The following PDZD2 variants were observed in gnomAD, a reference collection of about 807,000 sequenced individuals.
PDZD2 encodes the protein PDZ domain-containing protein 2.
In PDZD2, 90 loss-of-function variants were observed where a neutral mutation model predicts 220.7. The observed-to-expected ratio is 0.41, with a 90% CI of 0.34 to 0.49. PDZD2 has a LOEUF of 0.49. PDZD2 is among the 20% of genes least tolerant of loss of function. PDZD2 has a pLI of 0.28. For synonymous variants in PDZD2, 1,375 were observed against 1,450.5 expected, an observed-to-expected ratio of 0.95 and a Z score of 1.18; for missense variants, 3,174 against 3,608.5, an observed-to-expected ratio of 0.88 and a Z score of 3.08.
chr5:31,938,114 G>A (rs1427911470), intron 2 of PDZD2, among the ~76,000 whole-genome samples: 1 of 152,220 alleles, frequency 6.6e-6, no homozygotes, highest in Non-Finnish European at 1.5e-5. Flanking sequence ...GTTTCACTCT[G>A]TTGGCCAGAT....
intron 1 of PDZD2, among the ~76,000 whole-genome samples, chr5:31,796,020 G>A (rs1754001122): frequency 6.6e-6 from 1 of 152,096 alleles, no homozygotes; most frequent in Non-Finnish European, 1.5e-5. Context: ...CTGAGGGTGG[G>A]CTCTCAGTGG....
At chr5:31,714,353 C>T (rs980467841) in intron 1 of PDZD2, among the ~76,000 whole-genome samples, 6 of 152,186 alleles carry the variant, frequency 3.9e-5, no homozygotes, top group Non-Finnish European at 8.8e-5. Flanking sequence ...CCGCTTGTGT[C>T]TCGGCTTCCA....
intron 1 of PDZD2, among the ~76,000 whole-genome samples, chr5:31,689,256 T>TGC (rs1746998577): frequency 7.6e-6 from 1 of 132,346 alleles, no homozygotes; most frequent in Non-Finnish European, 1.6e-5. Flanking sequence ...TGTGTGTGTG[T>TGC]GTGTGTGTAT....
chr5:31,723,861 G>A (rs1358129429), intron 1 of PDZD2, among the ~76,000 whole-genome samples: 8 of 151,926 alleles, frequency 5.3e-5, no homozygotes, highest in African/African-American at 1.7e-4. Context: ...CAGGCGATCC[G>A]CCCACCTCGA....
At chr5:31,807,616 C>T (rs1421315038) in intron 2 of PDZD2, among the ~76,000 whole-genome samples, 1 of 152,192 alleles carries the variant, frequency 6.6e-6, no homozygotes, top group Non-Finnish European at 1.5e-5. Context: ...AATCTTTGGT[C>T]CAGACACTGG....
chr5:31,930,028 A>G (rs72757988), intron 2 of PDZD2, among the ~76,000 whole-genome samples: 21,729 of 151,902 alleles, frequency 0.14, 1,605 homozygotes, highest in South Asian at 0.24. Flanking sequence ...TCCTCGTGCC[A>G]TGTGAAGTGC....
At chr5:31,926,930 C>T (rs1342881560) in intron 2 of PDZD2, among the ~76,000 whole-genome samples, 3 of 152,198 alleles carry the variant, frequency 2.0e-5, no homozygotes, top group East Asian at 1.9e-4. Flanking sequence ...AACATGGACG[C>T]GGCTGGAGGC....
At chr5:31,993,476 T>G (rs1445458571) in intron 3 of PDZD2, among the ~76,000 whole-genome samples, 1 of 152,188 alleles carries the variant, frequency 6.6e-6, no homozygotes, top group Admixed American at 6.5e-5. Flanking sequence ...CAACATCTGT[T>G]TTTTTTACTG....
chr5:32,027,976 G>A (rs200756102), intron 6 of PDZD2, among the ~76,000 whole-genome samples: 1 of 33,734 alleles, frequency 3.0e-5, no homozygotes, highest in African/African-American at 8.3e-5. Context: ...GACACTGACC[G>A]GGGAATGAGC....
At chr5:31,920,296 AAATAAAT>A (rs962018518) in intron 2 of PDZD2, among the ~76,000 whole-genome samples, 24 of 146,386 alleles carry the variant, frequency 1.6e-4, no homozygotes, top group South Asian at 4.5e-4. Flanking sequence ...AAATAAATAA[AAATAAAT>A]AAATAAATAA....
At chr5:31,947,477 A>T (rs1447040694) in intron 2 of PDZD2, among the ~76,000 whole-genome samples, 1 of 152,126 alleles carries the variant, frequency 6.6e-6, no homozygotes, top group African/African-American at 2.4e-5. Context: ...CCTCAACTTC[A>T]CCGTCTATAA....
chr5:31,650,378 C>T (rs1391477008), intron 1 of PDZD2, among the ~76,000 whole-genome samples: 1 of 152,148 alleles, frequency 6.6e-6, no homozygotes, highest in African/African-American at 2.4e-5. Flanking sequence ...CTACTAAGCC[C>T]CTATTCCCAA....
Position 32,074,280 on chromosome 5 carries a change from C to T in PDZD2, c.3174C>T (p.Asn1058=). 1.2e-6 allele frequency: 2 copies of T among 1,614,188 alleles called. No homozygotes were observed. The highest frequency in any genetic ancestry group is 1.7e-6 in the Non-Finnish European group (2 of 1,180,014). The change falls in exon 18 of 25, where the codon AAC becomes AAT. Residue 1058 remains asparagine (N), a synonymous_variant. Transcript: ENST00000438447. Reference sequence around the variant, plus strand: ...TGGATGCTGCGTCCTATGCAGCCAACCTCACGGACTCTGCAGAGGCCCCCA... The same window carrying T: ...TGGATGCTGCGTCCTATGCAGCCAATCTCACGGACTCTGCAGAGGCCCCCA... The part of the protein sequence containing the change: ...GMVDAASYAA[N]LTDSAEAPKG...
At chr5:31,848,852 A>G (rs929226931) in intron 2 of PDZD2, among the ~76,000 whole-genome samples, 4 of 152,116 alleles carry the variant, frequency 2.6e-5, no homozygotes, top group Non-Finnish European at 5.9e-5. Flanking sequence ...GATTGAGAAC[A>G]TCCTGGCTAA....
At position 32,074,419 on chromosome 5, in the gene PDZD2, A is replaced by G. The variant is rs1741079411; in HGVS notation, c.3313A>G (p.Ser1105Gly). ...TQSPTNTGSP[S>G]SPQQKSEGLG... is the part of the protein sequence containing the mutation. ...GAGTCCGACGAACACTGGGAGCCCC[A>G]GTTCCCCCCAGCAGAAAAGTGAAGG... Residue 1105 changes from serine to glycine, a missense_variant, in exon 18 of 25, where the codon AGT (serine) becomes GGT (glycine). Physicochemically the swap from Ser to Gly is moderately conservative, Grantham distance 56. Around this residue, in one of 4 missense-constraint regions of PDZD2, gnomAD observed 1,861 missense variants for 2,001.0 expected, o/e 0.93. Transcript: ENST00000438447. 6.2e-7 allele frequency: 1 copy of G among 1,614,158 alleles called. No homozygotes were observed. The highest frequency in any genetic ancestry group is 8.5e-7 in the Non-Finnish European group (1 of 1,180,008).
chr5:31,946,530 G>A (rs1175083572), intron 2 of PDZD2, among the ~76,000 whole-genome samples: 1 of 152,178 alleles, frequency 6.6e-6, no homozygotes, highest in Admixed American at 6.5e-5. Context: ...CGCCATGTCA[G>A]AATGTTTTTA....
At chr5:32,001,525 A>G (rs762057314) in intron 5 of PDZD2, among the ~76,000 whole-genome samples, 5 of 151,400 alleles carry the variant, frequency 3.3e-5, no homozygotes, top group Non-Finnish European at 7.3e-5. Context: ...CCTAACGCCC[A>G]GCCCAGTGTC....
intron 2 of PDZD2, among the ~76,000 whole-genome samples, chr5:31,880,680 G>T (rs1196037150): frequency 4.0e-5 from 6 of 150,934 alleles, no homozygotes; most frequent in Non-Finnish European, 7.4e-5. Flanking sequence ...CATTCTTTTT[G>T]ATTTCAAGGG....
chr5:32,033,780 C>T (rs1371936209), intron 6 of PDZD2, among the ~76,000 whole-genome samples: 6 of 152,060 alleles, frequency 3.9e-5, no homozygotes, highest in African/African-American at 7.2e-5. Flanking sequence ...CCACCACACC[C>T]GGCTAATTTT....
Sources: gnomAD v4.1 joint callset for allele counts (sites outside exome capture counted in the v4.1 genomes callset) on GRCh38, gnomAD v4.1.1 for gene constraint, gnomAD v4.1.1 regional missense constraint, MANE v1.5 for transcripts, NCBI Gene and HGNC (gene_info 2026-07-23, HGNC 2026-07-21) for gene names.